Variants in E2F5 observed in about 807,000 individuals in gnomAD.
E2F5 encodes the protein E2F transcription factor 5.
Under a neutral mutation model 39.1 loss-of-function variants are expected in E2F5, and 23 were observed. That is an observed-to-expected ratio of 0.59 (90% CI 0.42 to 0.83). E2F5 has a LOEUF of 0.83. E2F5 is among the 40% of genes least tolerant of loss of function. E2F5 has a pLI of 0.00. For synonymous variants in E2F5, 145 were observed against 157.8 expected (o/e 0.92, Z 0.61); for missense variants, 365 against 406.7 (o/e 0.90, Z 0.88).
intron 1 of E2F5, among the ~76,000 whole-genome samples, chr8:85,185,037 A>G (rs1812299960): frequency 6.6e-6 from 1 of 152,214 alleles, no homozygotes; most frequent in Non-Finnish European, 1.5e-5. Context: ...GGAACCAAAA[A>G]AGAGCCTGCA....
chr8:85,203,080 C>A lies in E2F5; in HGVS notation c.345-14C>A. 6.9e-7 allele frequency: 1 copy of A among 1,458,390 alleles called. No homozygotes were observed. Among genetic ancestry groups the A allele is most frequent in the South Asian group, 1.6e-5 (1 of 61,180 alleles). 90.3% of individuals were successfully genotyped at this position (1,458,390 alleles called of 1,614,324 possible). A position where few individuals can be genotyped will look rare whatever the true frequency, so the allele number is the denominator to read the frequency against. On this transcript the variant is annotated splice_polypyrimidine_tract_variant and intron_variant, in intron 2 of 7. Transcript: ENST00000416274. ...ATCTGATACTGAGGATATTAATTCT[C>A]ATATGTTTTTAAGAGGTGTAGGTGC...
intron 2 of E2F5, among the ~76,000 whole-genome samples, chr8:85,202,801 T>G (rs543811621): frequency 1.3e-5 from 2 of 152,262 alleles, no homozygotes; most frequent in Admixed American, 1.3e-4. Flanking sequence ...TAGGTGTGAC[T>G]GCTGAGCACA....
At chr8:85,183,794 T>G (rs1812271566) in intron 1 of E2F5, among the ~76,000 whole-genome samples, 1 of 152,200 alleles carries the variant, frequency 6.6e-6, no homozygotes, top group African/African-American at 2.4e-5. Context: ...GGCTGAAATG[T>G]GTCCCCCAAA....
At position 85,203,177 on chromosome 8, in the gene E2F5, A is replaced by G; in HGVS notation, c.428A>G (p.Lys143Arg). 1 of 1,608,140 alleles carries G rather than the reference A, an allele frequency of 6.2e-7. No individual in the cohort carries two copies. Among genetic ancestry groups the G allele is most frequent in the Non-Finnish European group, 8.5e-7 (1 of 1,176,958 alleles). The change falls in exon 3 of 8, where the codon AAG (lysine) becomes AGG (arginine). Residue 143 changes from lysine to arginine, a missense_variant. Coordinates refer to ENST00000416274, the MANE Select transcript of E2F5 (RefSeq NM_001951.4). ...LKAEIEDLEL[K>R]ERELDQQKLW... The stretch of plus-strand genomic sequence containing the variant: ...GCTGAAATTGAAGATCTAGAACTGA[A>G]GGAAAGAGAACTTGATCAGCAGAAG...
rs1813018378 is a variant in E2F5, at chr8:85,213,861, A to G, written c.1040A>G (p.Ter347TrpextTer12). 1.3e-6 allele frequency: 2 copies of G among 1,573,028 alleles called. No homozygotes were observed. The highest frequency in any genetic ancestry group is 8.7e-7 in the Non-Finnish European group (1 of 1,143,674). Residue 347 changes from the stop codon to tryptophan, a stop_lost, in exon 8 of 8, where the codon TAG (stop) becomes TGG (tryptophan). Transcript: ENST00000416274. The stretch of plus-strand genomic sequence containing the variant: ...TTTGATGTCCAGATACTAAATTATT[A>G]GATTCCATGGAAACTTGGGACTGTT... Reference protein sequence around the residue: ...DLFDVQILNY* With the variant: ...DLFDVQILNYW
In E2F5 at chr8:85,209,413, G is replaced by T. The variant is rs373647973; in HGVS notation, c.883+4G>T. The stretch of plus-strand genomic sequence containing the variant: ...TCAGCTACAGATATATCTTCAGGTG[G>T]GTTCAGAGCCTTTCTTTTGTAAATT... On this transcript the variant is annotated splice_donor_region_variant and intron_variant, in intron 6 of 7. Transcript: ENST00000416274. The T allele has an allele frequency of 1.9e-5, 31 of 1,594,384 alleles. No individual in the cohort carries two copies. In the African/African-American group the frequency reaches 3.6e-4, roughly 19 times the overall value.
At chr8:85,203,484 A>G (rs1185191478) in intron 3 of E2F5, among the ~76,000 whole-genome samples, 1 of 152,118 alleles carries the variant, frequency 6.6e-6, no homozygotes, top group East Asian at 1.9e-4. Flanking sequence ...CTGAGGGGGA[A>G]AAAGAGATTA....
At position 85,207,484 on chromosome 8, in the gene E2F5, G is replaced by T; in HGVS notation, c.610G>T (p.Glu204Ter). The change falls in exon 5 of 8, where the codon GAA (glutamate) becomes TAA (stop). Residue 204 changes from glutamate to a stop codon, truncating the protein, a stop_gained. Coordinates refer to ENST00000416274, the MANE Select transcript of E2F5 (RefSeq NM_001951.4). LOFTEE classifies it high-confidence loss of function. Reference protein sequence around the residue: ...SGTQLEVPIPEMGQNGQKKYQ... With the variant: ...SGTQLEVPIP Reference sequence around the variant, plus strand: ...TACACAACTGGAGGTACCCATTCCAGAAATGGTATGTAGGATAACTTATGT... The same window carrying T: ...TACACAACTGGAGGTACCCATTCCATAAATGGTATGTAGGATAACTTATGT... 6.4e-7 allele frequency: 1 copy of T among 1,557,152 alleles called. No individual in the cohort carries two copies. The highest frequency in any genetic ancestry group is 2.4e-5 in the East Asian group (1 of 41,862).
At chr8:85,183,492 A>T in intron 1 of E2F5, among the ~76,000 whole-genome samples, 1 of 152,230 alleles carries the variant, frequency 6.6e-6, no homozygotes, top group Non-Finnish European at 1.5e-5. Context: ...CAAAATGTGG[A>T]TGCAATCCTA....
At chr8:85,189,821 C>T (rs1163110105) in intron 1 of E2F5, among the ~76,000 whole-genome samples, 4 of 151,954 alleles carry the variant, frequency 2.6e-5, no homozygotes, top group East Asian at 1.9e-4. Context: ...ATGTGTGCCC[C>T]GTTGTTCTTT....
chr8:85,177,572 A>G lies in E2F5; in HGVS notation c.152A>G (p.His51Arg). The change falls in exon 1 of 8, where the codon CAC becomes CGC. Residue 51 changes from histidine to arginine, a missense_variant. His to Arg is a conservative substitution (Grantham distance 29). Transcript: ENST00000416274. ...GGCGCCGGGGGCGGCAGCAGCAGGCACGAGAAGAGCCTGGGGCTGCTCACT... is the reference window on the plus strand; with the variant it reads ...GGCGCCGGGGGCGGCAGCAGCAGGCGCGAGAAGAGCCTGGGGCTGCTCACT... ...LGGAGGGSSR[H>R]EKSLGLLTTK... 7.8e-7 allele frequency: 1 copy of G among 1,280,224 alleles called. No homozygotes were observed. Among genetic ancestry groups the G allele is most frequent in the Non-Finnish European group, 9.9e-7 (1 of 1,010,642 alleles). The allele number at this position is 1,280,224 out of a possible 1,614,324, so 79.3% of individuals were successfully genotyped here. A position where few individuals can be genotyped will look rare whatever the true frequency, so the allele number is the denominator to read the frequency against.
intron 1 of E2F5, among the ~76,000 whole-genome samples, chr8:85,189,232 G>A (rs1812410422): frequency 6.6e-6 from 1 of 152,088 alleles, no homozygotes; most frequent in Non-Finnish European, 1.5e-5. Flanking sequence ...GAAAGCTTGG[G>A]AAAAGGTTAA....
intron 5 of E2F5, among the ~76,000 whole-genome samples, chr8:85,207,796 C>A (rs576664336): frequency 2.0e-5 from 3 of 151,946 alleles, no homozygotes; most frequent in African/African-American, 7.3e-5. Context: ...TTGTTTCATA[C>A]AAAAATTAAA....
intron 6 of E2F5, among the ~76,000 whole-genome samples, chr8:85,211,365 T>C (rs1812916676): frequency 6.6e-6 from 1 of 151,990 alleles, no homozygotes; most frequent in Non-Finnish European, 1.5e-5. Context: ...CAGCACTTAA[T>C]GTACTCCAGC....
In E2F5 at chr8:85,213,901, G is replaced by A; in HGVS notation, c.*39G>A. On this transcript the variant is annotated 3_prime_UTR_variant, in exon 8 of 8. Transcript: ENST00000416274. ...TTGGGACTGTTATCTACCTCTAACT[G>A]TGTAACATTTTAGACTTCTTAATAA... The A allele has an allele frequency of 1.7e-6, 2 of 1,211,260 alleles. No individual in the cohort carries two copies. The highest frequency in any genetic ancestry group is 2.4e-6 in the Non-Finnish European group (2 of 826,402). The allele number at this position is 1,211,260 out of a possible 1,614,324, so 75.0% of individuals were successfully genotyped here.
intron 3 of E2F5, among the ~76,000 whole-genome samples, chr8:85,203,583 A>T (rs993406893): frequency 2.0e-5 from 3 of 151,802 alleles, no homozygotes; most frequent in African/African-American, 4.8e-5. Flanking sequence ...ATTGTTAAGT[A>T]CATTTGTATT....
In E2F5 at chr8:85,180,560, T is replaced by C. The variant is rs1196772730; in HGVS notation, c.234+2906T>C. ...TATATATATATATATATATATGGTT[T>C]TTTGGTTGGTCTTGTTTTTTTTTTT... On this transcript the variant is annotated intron_variant, in intron 1 of 7. Coordinates refer to ENST00000416274, the MANE Select transcript of E2F5 (RefSeq NM_001951.4). 1.6e-4 allele frequency among the ~76,000 whole-genome samples: 18 copies of C among 114,470 alleles called. 1 individual carries two copies. The highest frequency in any genetic ancestry group is 3.0e-4 in the Non-Finnish European group (16 of 53,684). The allele number at this position is 114,470 out of a possible 152,430, so 75.1% of individuals were successfully genotyped here. A position where few individuals can be genotyped will look rare whatever the true frequency, so the allele number is the denominator to read the frequency against.
intron 1 of E2F5, among the ~76,000 whole-genome samples, chr8:85,188,395 C>G (rs997015387): frequency 6.7e-6 from 1 of 149,364 alleles, no homozygotes; most frequent in Admixed American, 6.7e-5. Flanking sequence ...TCATGAACTC[C>G]CTTATCTTCT....
At chr8:85,194,330 T>C (rs1021755065) in intron 1 of E2F5, among the ~76,000 whole-genome samples, 2 of 152,158 alleles carry the variant, frequency 1.3e-5, no homozygotes, top group African/African-American at 4.8e-5. Context: ...TAGTTCATAT[T>C]CACTATAATT....
Sources: gnomAD v4.1 joint callset for allele counts (sites outside exome capture counted in the v4.1 genomes callset) on GRCh38, gnomAD v4.1.1 for gene constraint, MANE v1.5 for transcripts, NCBI Gene and HGNC (gene_info 2026-07-23, HGNC 2026-07-21) for gene names.